LRP1B: variants seen among roughly 807,000 people sequenced by gnomAD.
LRP1B encodes low-density lipoprotein receptor-related protein 1B.
Under a neutral mutation model 556.6 loss-of-function variants are expected in LRP1B, and 217 were observed. The observed-to-expected ratio is 0.39, with a 90% confidence interval of 0.35 to 0.44. The LOEUF is 0.44. Among genes scored for constraint, LRP1B ranks in the 20% least tolerant of loss-of-function variants. The pLI, the probability that LRP1B is intolerant of heterozygous loss-of-function variation, is 1.00. For missense variants in LRP1B, 5,053 were observed against 5,620.8 expected, an observed-to-expected ratio of 0.90 and a Z score of 3.23; for synonymous variants, 2,047 against 1,865.8, an observed-to-expected ratio of 1.10 and a Z score of -2.50.
At chr2:140,821,017 A>T (rs962868312) in intron 31 of LRP1B, among the ~76,000 whole-genome samples, 8 of 151,780 alleles carry the variant, frequency 5.3e-5, no homozygotes, top group African/African-American at 1.9e-4. Context: ...GCAAAATATT[A>T]GTTGTTTATT....
At chr2:141,957,844 T>G (rs1285402012) in intron 1 of LRP1B, among the ~76,000 whole-genome samples, 1 of 152,090 alleles carries the variant, frequency 6.6e-6, no homozygotes, top group Non-Finnish European at 1.5e-5. Context: ...ATCTTTCACA[T>G]GTAGCCACAA....
intron 2 of LRP1B, among the ~76,000 whole-genome samples, chr2:141,757,421 C>G (rs951113528): frequency 2.6e-5 from 4 of 151,768 alleles, no homozygotes; most frequent in Non-Finnish European, 2.9e-5. Context: ...TTATAAGATC[C>G]TTAGAAGAAT....
chr2:141,764,471 C>T (rs762506491), intron 2 of LRP1B, among the ~76,000 whole-genome samples: 1 of 152,142 alleles, frequency 6.6e-6, no homozygotes, highest in African/African-American at 2.4e-5. Context: ...CGTGAGCCAC[C>T]GCGCCAGGCA....
At chr2:141,481,236 T>C (rs1459599297) in intron 2 of LRP1B, among the ~76,000 whole-genome samples, 1 of 152,136 alleles carries the variant, frequency 6.6e-6, no homozygotes, top group Non-Finnish European at 1.5e-5. Flanking sequence ...GAACATAGGG[T>C]CTTTTCTCAA....
At chr2:141,090,056 CTG>C (rs1181359392) in intron 7 of LRP1B, among the ~76,000 whole-genome samples, 1 of 152,152 alleles carries the variant, frequency 6.6e-6, no homozygotes, top group Admixed American at 6.5e-5. Flanking sequence ...CATTAGGGTC[CTG>C]TGTGGAAAGG....
rs774637306 is a variant in LRP1B at position 141,188,579 on chromosome 2, C to T, written c.855G>A (p.Val285=). ...TINILQSFHN[V]QQMAIDWLTR... ...TGAGCCAGTCAATCGCCATTTGTTG[C>T]ACATCTGAAAAACACATACACAAAA... is the stretch of plus-strand genomic sequence containing the variant. Residue 285 remains valine (V), a synonymous_variant, in exon 7 of 91, where the codon GTG becomes GTA. Transcript: ENST00000389484. 7.1e-5 allele frequency: 114 copies of T among 1,611,306 alleles called. 1 individual carries two copies. The East Asian group carries it at 2.5e-3, about 35-fold the overall frequency.
rs1191838138 is a variant in LRP1B at position 141,013,734 on chromosome 2, A to G, written c.2202T>C (p.Ser734=). 2.6e-6 allele frequency: 4 copies of G among 1,568,324 alleles called. No homozygotes were observed. In the African/African-American group the frequency reaches 4.1e-5, roughly 16 times the overall value. ...LNGTHRKIVY[S]GRELNHPFGL... Reference sequence around the variant, plus strand: ...CGAAAGGGTGGTTCAACTCTCTCCCACTGTAAACAATCTGTAAAATATAAA... The same window carrying G: ...CGAAAGGGTGGTTCAACTCTCTCCCGCTGTAAACAATCTGTAAAATATAAA... Residue 734 remains serine (S), a synonymous_variant, in exon 14 of 91, where the codon AGT becomes AGC. Coordinates refer to ENST00000389484, the MANE Select transcript of LRP1B (RefSeq NM_018557.3).
chr2:140,679,845 C>T (rs1685799765), intron 41 of LRP1B, among the ~76,000 whole-genome samples: 2 of 151,986 alleles, frequency 1.3e-5, no homozygotes, highest in African/African-American at 4.8e-5. Context: ...CCACATGCAG[C>T]CCAGGATGGC....
rs371454172 is a variant in LRP1B, at chr2:141,468,479, T to A, written c.343+11917A>T. On this transcript the variant is annotated intron_variant, in intron 3 of 90. Transcript: ENST00000389484. ...TATATTTCTATACACACAGTCTATA[T>A]ACACACATATATTTCTGTATACATT... Among the ~76,000 whole-genome samples the A allele has an allele frequency of 2.0e-5, 3 of 152,218 alleles. No homozygotes were observed. In the South Asian group the frequency reaches 6.2e-4, roughly 31 times the overall value.
chr2:141,701,586 C>G (rs563371250), intron 2 of LRP1B, among the ~76,000 whole-genome samples: 2 of 151,798 alleles, frequency 1.3e-5, no homozygotes, highest in African/African-American at 4.8e-5. Flanking sequence ...CCCCAAGAAC[C>G]TGCCTCAAAG....
intron 11 of LRP1B, among the ~76,000 whole-genome samples, chr2:141,040,714 A>T (rs1698672468): frequency 6.6e-6 from 1 of 152,058 alleles, no homozygotes; most frequent in African/African-American, 2.4e-5. Context: ...GATGGGCTAC[A>T]CATTTCAACA....
intron 2 of LRP1B, among the ~76,000 whole-genome samples, chr2:141,598,465 C>T (rs989611187): frequency 3.3e-5 from 5 of 152,110 alleles, no homozygotes; most frequent in Admixed American, 6.6e-5. Flanking sequence ...GAGCTCTTCA[C>T]CTCTTCCTTA....
At chr2:141,872,534 A>G (rs913953702) in intron 1 of LRP1B, among the ~76,000 whole-genome samples, 1 of 151,838 alleles carries the variant, frequency 6.6e-6, no homozygotes, top group African/African-American at 2.4e-5. Flanking sequence ...AGATAGAATT[A>G]ATATTTAAAA....
chr2:141,652,164 T>C (rs1338879810), intron 2 of LRP1B, among the ~76,000 whole-genome samples: 1 of 152,210 alleles, frequency 6.6e-6, no homozygotes, highest in Non-Finnish European at 1.5e-5. Context: ...AGTGACATTA[T>C]AAAGCTTTTG....
At chr2:140,984,557 T>A (rs1441842004) in intron 17 of LRP1B, among the ~76,000 whole-genome samples, 1 of 152,106 alleles carries the variant, frequency 6.6e-6, no homozygotes, top group Non-Finnish European at 1.5e-5. Context: ...TTTATCAGAT[T>A]GTTTTGTTTC....
At chr2:141,024,793 T>C (rs1271469230) in intron 11 of LRP1B, among the ~76,000 whole-genome samples, 1 of 152,008 alleles carries the variant, frequency 6.6e-6, no homozygotes, top group Non-Finnish European at 1.5e-5. Context: ...TCAGTTCCCT[T>C]TACTTCGAAG....
At chr2:140,498,802 G>C (rs138668920) in intron 55 of LRP1B, among the ~76,000 whole-genome samples, 1,614 of 151,856 alleles carry the variant, frequency 0.011, 16 homozygotes, top group Non-Finnish European at 0.017. Flanking sequence ...ACATGTGTAT[G>C]TATATACATA....
intron 79 of LRP1B, among the ~76,000 whole-genome samples, chr2:140,331,675 C>CTATATATATACATATATATA (rs1448916782): frequency 8.4e-6 from 1 of 118,502 alleles, no homozygotes; most frequent in Non-Finnish European, 1.8e-5. Flanking sequence ...TTAGTTATCA[C>CTATATATATACATATATATA]TATATATATA....
At chr2:140,236,615 G>T (rs1680711995) in intron 89 of LRP1B, among the ~76,000 whole-genome samples, 1 of 150,740 alleles carries the variant, frequency 6.6e-6, no homozygotes, top group Admixed American at 6.6e-5. Flanking sequence ...AATTTAAAAG[G>T]CTGTGGATTG....
Sources: allele counts gnomAD v4.1 joint callset (sites outside exome capture counted in the v4.1 genomes callset), GRCh38; gene constraint gnomAD v4.1.1; transcripts MANE v1.5; gene names NCBI Gene and HGNC (gene_info 2026-07-23, HGNC 2026-07-21).